SCFD2: variants seen among roughly 807,000 people sequenced by gnomAD.
SCFD2 encodes sec1 family domain containing 2.
Under a neutral mutation model 58.9 loss-of-function variants are expected in SCFD2, and 54 were observed. The observed-to-expected ratio is 0.92, with a 90% confidence interval of 0.74 to 1.15. SCFD2 has a LOEUF of 1.15. SCFD2 is among the 50% of genes most tolerant of loss of function. The probability of loss-of-function intolerance (pLI) is 0.00; values close to 1 mark genes in which losing one functional copy is unlikely to be tolerated. For missense variants in SCFD2, 805 were observed against 836.6 expected, an observed-to-expected ratio of 0.96 and a Z score of 0.47; for synonymous variants, 321 against 335.9, an observed-to-expected ratio of 0.96 and a Z score of 0.49.
At chr4:53,095,760 G>T (rs1197220361) in intron 5 of SCFD2, among the ~76,000 whole-genome samples, 1 of 151,834 alleles carries the variant, frequency 6.6e-6, no homozygotes, top group Non-Finnish European at 1.5e-5. Context: ...TAGGGTACAT[G>T]TGCACAACGT....
intron 5 of SCFD2, among the ~76,000 whole-genome samples, chr4:53,137,705 G>C (rs1473399176): frequency 6.6e-6 from 1 of 152,152 alleles, no homozygotes; most frequent in Non-Finnish European, 1.5e-5. Context: ...AGATACTATA[G>C]AAATACAGGG....
intron 2 of SCFD2, among the ~76,000 whole-genome samples, chr4:53,317,946 A>G (rs1396009994): frequency 6.6e-6 from 1 of 152,244 alleles, no homozygotes; most frequent in Non-Finnish European, 1.5e-5. Flanking sequence ...TAATAAAAGA[A>G]AAATCAAAGG....
At chr4:53,112,675 C>T (rs1231910684) in intron 5 of SCFD2, among the ~76,000 whole-genome samples, 2 of 152,094 alleles carry the variant, frequency 1.3e-5, no homozygotes, top group South Asian at 2.1e-4. Context: ...AATAGCTGAG[C>T]TCTATTATTT....
At chr4:53,199,737 C>A (rs774950550) in intron 4 of SCFD2, among the ~76,000 whole-genome samples, 2 of 152,204 alleles carry the variant, frequency 1.3e-5, no homozygotes, top group Non-Finnish European at 1.5e-5. Context: ...CCAGAAAGGG[C>A]ATGGAAGCTA....
At chr4:53,034,273 C>T (rs1310012618) in intron 5 of SCFD2, among the ~76,000 whole-genome samples, 2 of 152,214 alleles carry the variant, frequency 1.3e-5, no homozygotes, top group East Asian at 3.9e-4. Context: ...AAATTCAACA[C>T]CCCTTCATGC....
chr4:53,060,183 A>AAAAGT (rs1177461929), intron 5 of SCFD2, among the ~76,000 whole-genome samples: 1 of 152,162 alleles, frequency 6.6e-6, no homozygotes, highest in Non-Finnish European at 1.5e-5. Context: ...AAAAGAAAAG[A>AAAAGT]AAAAAGTTGT....
intron 5 of SCFD2, among the ~76,000 whole-genome samples, chr4:52,985,996 A>C (rs1721482209): frequency 6.6e-6 from 1 of 152,126 alleles, no homozygotes; most frequent in Non-Finnish European, 1.5e-5. Context: ...AGAGGACAGA[A>C]TTAGCATACA....
Position 53,335,027 on chromosome 4 carries a change from T to C in SCFD2, c.1007+17571A>G, listed in dbSNP as rs575529229. 4.0e-5 allele frequency among the ~76,000 whole-genome samples: 6 copies of C among 151,498 alleles called. No individual in the cohort carries two copies. The East Asian group carries it at 9.7e-4, about 25-fold the overall frequency. On this transcript the variant is annotated intron_variant, in intron 2 of 8. Coordinates refer to ENST00000401642, the MANE Select transcript of SCFD2 (RefSeq NM_152540.4). ...GCCTAGCCAACATAGCAAAACCCCA[T>C]CTCTACTAAAAATACAAAAATCAGT...
chr4:52,882,715 C>T (rs950839235), intron 8 of SCFD2, among the ~76,000 whole-genome samples: 11 of 152,210 alleles, frequency 7.2e-5, no homozygotes, highest in African/African-American at 2.7e-4. Context: ...TGGACTCAGA[C>T]TGGCTTCCTT....
intron 5 of SCFD2, among the ~76,000 whole-genome samples, chr4:53,097,074 ATC>A (rs1577723919): frequency 6.6e-6 from 1 of 152,106 alleles, no homozygotes; most frequent in African/African-American, 2.4e-5. Flanking sequence ...ATTGGTCTAT[ATC>A]TCTGTTTTGG....
At chr4:53,345,374 A>G (rs1397931111) in intron 2 of SCFD2, among the ~76,000 whole-genome samples, 2 of 152,222 alleles carry the variant, frequency 1.3e-5, no homozygotes, top group African/African-American at 4.8e-5. Context: ...CATCAGAGAA[A>G]TGCAAATCAA....
intron 4 of SCFD2, among the ~76,000 whole-genome samples, chr4:53,259,753 G>T (rs1337340021): frequency 1.3e-5 from 2 of 152,114 alleles, no homozygotes; most frequent in Non-Finnish European, 2.9e-5. Context: ...GTTCTGTGAA[G>T]AATGATAGTG....
intron 7 of SCFD2, among the ~76,000 whole-genome samples, chr4:52,897,475 G>A (rs550441598): frequency 6.6e-6 from 1 of 152,296 alleles, no homozygotes; most frequent in South Asian, 2.1e-4. Flanking sequence ...ATTTTCATAT[G>A]TTGAACCAGC....
chr4:53,119,314 T>C (rs578065310), intron 5 of SCFD2, among the ~76,000 whole-genome samples: 2 of 104,938 alleles, frequency 1.9e-5, no homozygotes, highest in Non-Finnish European at 4.3e-5. Flanking sequence ...CGAGACTCCA[T>C]CTCAAAAAAA....
intron 5 of SCFD2, among the ~76,000 whole-genome samples, chr4:53,070,176 C>A (rs4450989): frequency 6.6e-6 from 1 of 152,008 alleles, no homozygotes; most frequent in African/African-American, 2.4e-5. Context: ...AATAAGACCA[C>A]TAAAATGTCT....
At chr4:53,044,400 G>T (rs761323574) in intron 5 of SCFD2, among the ~76,000 whole-genome samples, 3 of 151,934 alleles carry the variant, frequency 2.0e-5, no homozygotes, top group Non-Finnish European at 4.4e-5. Context: ...CTACCATAAA[G>T]CTCTTGCACT....
At chr4:53,342,731 A>G (rs1733920941) in intron 2 of SCFD2, among the ~76,000 whole-genome samples, 1 of 152,234 alleles carries the variant, frequency 6.6e-6, no homozygotes, top group Admixed American at 6.5e-5. Context: ...CAGCAAATGT[A>G]AAAGAACAGA....
intron 4 of SCFD2, among the ~76,000 whole-genome samples, chr4:53,229,613 A>C (rs910231409): frequency 6.6e-6 from 1 of 152,216 alleles, no homozygotes; most frequent in Non-Finnish European, 1.5e-5. Context: ...CTTATACAAA[A>C]ATTAATTCAA....
At chr4:52,964,471 C>T (rs1720916460) in intron 5 of SCFD2, among the ~76,000 whole-genome samples, 1 of 152,174 alleles carries the variant, frequency 6.6e-6, no homozygotes, top group Non-Finnish European at 1.5e-5. Context: ...ATTCCCAAAA[C>T]CAATGTCTTT....
Sources: gnomAD v4.1 joint callset for allele counts (sites outside exome capture counted in the v4.1 genomes callset) on GRCh38, gnomAD v4.1.1 for gene constraint, MANE v1.5 for transcripts, NCBI Gene and HGNC (gene_info 2026-07-23, HGNC 2026-07-21) for gene names.